Variants in INSYN2B observed in about 807,000 individuals in gnomAD.
INSYN2B encodes inhibitory synaptic factor family member 2B.
INSYN2B carries 16 observed loss-of-function variants against 41.2 expected under a neutral mutation model. The ratio of observed to expected loss-of-function variants is 0.39; its 90% CI spans 0.26 to 0.59. The LOEUF is 0.59. INSYN2B is among the 20% of genes least tolerant of loss of function. The pLI is 0.57. For synonymous variants in INSYN2B, 245 were observed against 244.4 expected (o/e 1.00, Z -0.02); for missense variants, 608 against 646.4 (o/e 0.94, Z 0.64).
chr5:169,965,667 A>G (rs1777272471), intron 1 of INSYN2B, among the ~76,000 whole-genome samples: 1 of 152,182 alleles, frequency 6.6e-6, no homozygotes, highest in East Asian at 1.9e-4. Context: ...CTCAGAGTCC[A>G]ACCTCATCCA....
intron 1 of INSYN2B, among the ~76,000 whole-genome samples, chr5:169,911,156 C>T (rs1014438630): frequency 3.9e-5 from 6 of 152,084 alleles, no homozygotes; most frequent in Non-Finnish European, 8.8e-5. Flanking sequence ...TTATTTTTCA[C>T]TGACAAAATG....
At chr5:169,903,554 G>A (rs1462935705) in intron 1 of INSYN2B, among the ~76,000 whole-genome samples, 1 of 150,908 alleles carries the variant, frequency 6.6e-6, no homozygotes, top group Non-Finnish European at 1.5e-5. Context: ...GTTCGGGTGG[G>A]CACAAGTGGG....
At chr5:169,960,923 G>A (rs1341665783) in intron 1 of INSYN2B, among the ~76,000 whole-genome samples, 1 of 152,130 alleles carries the variant, frequency 6.6e-6, no homozygotes, top group African/African-American at 2.4e-5. Flanking sequence ...AGTATATATA[G>A]GGTTCAGTAT....
intron 3 of INSYN2B, among the ~76,000 whole-genome samples, chr5:169,868,087 C>T (rs1042862603): frequency 1.3e-5 from 2 of 152,162 alleles, no homozygotes; most frequent in African/African-American, 4.8e-5. Context: ...GGTACCCCCT[C>T]TAAGATTTTA....
chr5:169,909,742 G>C (rs565258421), intron 1 of INSYN2B, among the ~76,000 whole-genome samples: 1 of 152,284 alleles, frequency 6.6e-6, no homozygotes, highest in East Asian at 1.9e-4. Flanking sequence ...CCCAAAGCCA[G>C]TGTCACTGTG....
intron 1 of INSYN2B, among the ~76,000 whole-genome samples, chr5:169,923,192 G>A (rs1318797529): frequency 6.6e-6 from 1 of 152,098 alleles, no homozygotes; most frequent in Non-Finnish European, 1.5e-5. Context: ...ACAAGCATGG[G>A]ACTGGGTAGA....
chr5:169,953,332 CAA>C (rs576183648), intron 1 of INSYN2B, among the ~76,000 whole-genome samples: 25 of 123,458 alleles, frequency 2.0e-4, no homozygotes, highest in Non-Finnish European at 1.7e-4. Context: ...GACTCTATCT[CAA>C]AAAAAAAAAA....
At chr5:169,881,031 C>G (rs1772611217) in intron 3 of INSYN2B, among the ~76,000 whole-genome samples, 1 of 152,138 alleles carries the variant, frequency 6.6e-6, no homozygotes, top group African/African-American at 2.4e-5. Context: ...CTGAGTTTGG[C>G]CCTTTCTGCT....
rs1772872238 is a variant in INSYN2B, at chr5:169,884,786, G to A, written c.-888C>T. On this transcript the variant is annotated 5_prime_UTR_variant, in exon 2 of 4. Coordinates refer to ENST00000377365, the MANE Select transcript of INSYN2B (RefSeq NM_001129891.3). ...GGGGCTGAGGTCTGAGATGAGCTGG[G>A]GTCTGATATCTGCAAGCAGGCGAGG... The A allele has an allele frequency of 6.6e-6, 1 of 152,276 alleles. No homozygotes were observed. The highest frequency in any genetic ancestry group is 2.4e-5 in the African/African-American group (1 of 41,396). The allele number at this position is 152,276 out of a possible 1,614,324, so 9.4% of individuals were successfully genotyped here.
intron 1 of INSYN2B, among the ~76,000 whole-genome samples, chr5:169,912,554 T>A (rs115798450): frequency 0.015 from 2,248 of 152,306 alleles, 53 homozygotes; most frequent in African/African-American, 0.051. Flanking sequence ...TCCATAACTT[T>A]CTTTCCACTT....
chr5:169,888,967 T>A (rs1018078112), intron 1 of INSYN2B, among the ~76,000 whole-genome samples: 3 of 152,212 alleles, frequency 2.0e-5, no homozygotes, highest in African/African-American at 7.2e-5. Flanking sequence ...TTTGTGTCTT[T>A]AGCATTGTGC....
chr5:169,881,346 G>T (rs1180330027), intron 3 of INSYN2B, 22 bp downstream of exon 3: 3 of 1,547,264 alleles, frequency 1.9e-6, no homozygotes, highest in Admixed American at 2.0e-5. Context: ...CTACAGAGCA[G>T]GCCTCGCTTG....
chr5:169,932,944 T>C (rs1775825447), intron 1 of INSYN2B, among the ~76,000 whole-genome samples: 2 of 150,732 alleles, frequency 1.3e-5, no homozygotes, highest in Non-Finnish European at 2.9e-5. Context: ...AAAGCCTATC[T>C]CTTCCTCCCA....
intron 1 of INSYN2B, chr5:169,934,817 G>T (rs1775914501): frequency 2.3e-6 from 1 of 433,172 alleles, no homozygotes; most frequent in Non-Finnish European, 4.7e-6. Context: ...ATGATAAATT[G>T]ATTGTAGTGT....
Position 169,892,628 on chromosome 5 carries a change from A to T in INSYN2B, c.-918-7812T>A, listed in dbSNP as rs144213671. ...TTTTTTCTACCACTCCAACCCTCTA[A>T]TTGCATTTGTCACAGACACCCAGGG... is the stretch of plus-strand genomic sequence containing the variant. On this transcript the variant is annotated intron_variant, in intron 1 of 3. Coordinates refer to ENST00000377365, the MANE Select transcript of INSYN2B (RefSeq NM_001129891.3). Among the ~76,000 whole-genome samples, 907 of 152,206 alleles carry T rather than the reference A, an allele frequency of 6.0e-3. 9 individuals are homozygous for T. The highest frequency in any genetic ancestry group is 0.02 in the African/African-American group (839 of 41,530).
rs1424167745 is a variant in INSYN2B, at chr5:169,881,290, T to C, written c.1421+78A>G. The C allele has an allele frequency of 3.2e-6, 4 of 1,235,618 alleles. No homozygotes were observed. In the African/African-American group the frequency reaches 6.1e-5, roughly 19 times the overall value. The allele number at this position is 1,235,618 out of a possible 1,614,324, so 76.5% of individuals were successfully genotyped here. On this transcript the variant is annotated intron_variant, in intron 3 of 3. Transcript: ENST00000377365. ...TTTTTGCCTCTCTTGACTTTTTGCA[T>C]TTAAAAGTTTGCTAGAGTGTTCAGC... is the stretch of plus-strand genomic sequence containing the variant.
chr5:169,957,947 G>A (rs185752586), intron 1 of INSYN2B, among the ~76,000 whole-genome samples: 3 of 152,334 alleles, frequency 2.0e-5, no homozygotes, highest in Non-Finnish European at 2.9e-5. Context: ...AGTCCACTGC[G>A]AGGGAGTAGG....
Position 169,867,515 on chromosome 5 carries a change from C to T in INSYN2B, c.1422-3056G>A, listed in dbSNP as rs182521319. On this transcript the variant is annotated intron_variant, in intron 3 of 3. Transcript: ENST00000377365. ...AATCTATCATCTATTATCTATTTAT[C>T]TATCTATCATCTATCATCTATCATG... Among the ~76,000 whole-genome samples, 34 of 151,600 alleles carry T rather than the reference C, an allele frequency of 2.2e-4. 1 individual carries two copies. Among genetic ancestry groups the T allele is most frequent in the Middle Eastern group, 3.4e-3 (1 of 294 alleles).
At chr5:169,977,288 G>A (rs922943630) in intron 1 of INSYN2B, among the ~76,000 whole-genome samples, 3 of 152,230 alleles carry the variant, frequency 2.0e-5, no homozygotes, top group Admixed American at 1.3e-4. Flanking sequence ...ATCCCAAGCT[G>A]TGATTGGGAG....
Sources: gnomAD v4.1 joint callset for allele counts (sites outside exome capture counted in the v4.1 genomes callset) on GRCh38, gnomAD v4.1.1 for gene constraint, MANE v1.5 for transcripts, NCBI Gene and HGNC (gene_info 2026-07-23, HGNC 2026-07-21) for gene names.